The following PLCG2 variants were observed in gnomAD, a reference collection of about 807,000 sequenced individuals.
PLCG2 encodes 1-phosphatidylinositol 4,5-bisphosphate phosphodiesterase gamma-2.
In PLCG2, 69 loss-of-function variants were observed where a neutral mutation model predicts 175.6. The observed-to-expected ratio is 0.39, with a 90% CI of 0.32 to 0.48. PLCG2 has a LOEUF of 0.48. Among genes scored for constraint, PLCG2 ranks in the 20% least tolerant of loss-of-function variants. PLCG2 has a pLI of 0.91. For missense variants in PLCG2, 1,798 were observed against 1,650.9 expected (o/e 1.09, Z -1.54); for synonymous variants, 827 against 624.0 (o/e 1.33, Z -4.85).
At chr16:81,900,541 G>A (rs1909104222) in intron 13 of PLCG2, 71 bp from the exon 14 acceptor site, 2 of 1,402,956 alleles carry the variant, frequency 1.4e-6, no homozygotes, top group East Asian at 4.8e-5. Context: ...GAGCTGCCCT[G>A]GCCCCTCTGT....
chr16:81,781,346 G>A (rs1417921945), intron 1 of PLCG2, among the ~76,000 whole-genome samples: 5 of 151,406 alleles, frequency 3.3e-5, no homozygotes, highest in Admixed American at 6.6e-5. Flanking sequence ...GCTACTGAGC[G>A]TTCTTCAGTG....
chr16:81,744,528 A>G (rs938659904), intron 1 of PLCG2, among the ~76,000 whole-genome samples: 7 of 152,292 alleles, frequency 4.6e-5, no homozygotes, highest in Admixed American at 2.0e-4. Flanking sequence ...AACCAAAAAA[A>G]TTCCAAATCT....
At chr16:81,768,569 T>A in intron 2 of PLCG2, among the ~76,000 whole-genome samples, 1 of 84,858 alleles carries the variant, frequency 1.2e-5, no homozygotes, top group Non-Finnish European at 2.6e-5. Flanking sequence ...TTTTTTTTTT[T>A]TTTTTTTTTT....
intron 2 of PLCG2, among the ~76,000 whole-genome samples, chr16:81,759,259 A>ATTGTT (rs1172166719): frequency 6.6e-6 from 1 of 151,980 alleles, no homozygotes; most frequent in East Asian, 1.9e-4. Context: ...GTTCCTTCTC[A>ATTGTT]TTGTTTTGTT....
intron 2 of PLCG2, among the ~76,000 whole-genome samples, chr16:81,810,014 A>G (rs1403151701): frequency 6.7e-6 from 1 of 148,784 alleles, no homozygotes; most frequent in Non-Finnish European, 1.5e-5. Context: ...TTTTTTTGAG[A>G]TGGAGCCTAC....
chr16:81,753,875 G>T (rs1442891422), intron 1 of PLCG2, among the ~76,000 whole-genome samples: 1 of 152,170 alleles, frequency 6.6e-6, no homozygotes, highest in African/African-American at 2.4e-5. Context: ...CTGGGGAGTG[G>T]GAAGTGGCTG....
At chr16:81,853,758 G>A (rs901039836) in intron 2 of PLCG2, among the ~76,000 whole-genome samples, 1 of 152,104 alleles carries the variant, frequency 6.6e-6, no homozygotes, top group Admixed American at 6.5e-5. Context: ...TTGAAGGGCA[G>A]CTGGCTATAT....
Position 81,919,632 on chromosome 16 carries a change from G to C in PLCG2, c.2203G>C (p.Val735Leu). 1.2e-6 allele frequency: 2 copies of C among 1,613,998 alleles called. No homozygotes were observed. Residue 735 changes from valine to leucine, a missense_variant, in exon 20 of 33, where the codon GTG becomes CTG. By Grantham distance (32) the Val-to-Leu change is conservative (BLOSUM62 1). Transcript: ENST00000564138. ...CCGAAAGATGAGACTGCGCTACCCC[G>C]TGACCCCCGAGCTCCTGGAGCGCTA... is the stretch of plus-strand genomic sequence containing the variant. ...LYRKMRLRYP[V>L]TPELLERYNM...
At chr16:81,819,321 C>T (rs1420149528) in intron 2 of PLCG2, among the ~76,000 whole-genome samples, 33 of 152,146 alleles carry the variant, frequency 2.2e-4, no homozygotes, top group Admixed American at 2.2e-3. Context: ...GACAACACTG[C>T]CTCATATCCA....
At chr16:81,909,372 C>A (rs923866834) in intron 17 of PLCG2, among the ~76,000 whole-genome samples, 1 of 152,102 alleles carries the variant, frequency 6.6e-6, no homozygotes, top group South Asian at 2.1e-4. Flanking sequence ...GTTAGGAAAA[C>A]CTTCCTGAAA....
At chr16:81,833,184 G>A (rs1050667523) in intron 2 of PLCG2, among the ~76,000 whole-genome samples, 2 of 152,180 alleles carry the variant, frequency 1.3e-5, no homozygotes, top group Non-Finnish European at 2.9e-5. Flanking sequence ...AGGATACCAC[G>A]TTTGGGGTTC....
chr16:81,897,671 G>A (rs1273560226), intron 13 of PLCG2, among the ~76,000 whole-genome samples: 1 of 150,874 alleles, frequency 6.6e-6, no homozygotes, highest in Non-Finnish European at 1.5e-5. Context: ...TCAGCCTCCC[G>A]AGTAGCTGGG....
intron 14 of PLCG2, among the ~76,000 whole-genome samples, chr16:81,904,413 C>A (rs1438257286): frequency 1.3e-5 from 2 of 152,212 alleles, no homozygotes; most frequent in Admixed American, 6.5e-5. Flanking sequence ...CAGACGCTTG[C>A]CTGCGTGGGA....
intron 2 of PLCG2, among the ~76,000 whole-genome samples, chr16:81,846,990 A>G (rs1404615759): frequency 2.6e-5 from 4 of 152,186 alleles, no homozygotes; most frequent in Non-Finnish European, 5.9e-5. Context: ...ACTTGGAGCT[A>G]GAATCAGATT....
In PLCG2 at chr16:81,889,362, T is replaced by G. The variant is rs1437280510; in HGVS notation, c.867+89T>G. 4 of 743,332 alleles carry G rather than the reference T, an allele frequency of 5.4e-6. No individual in the cohort carries two copies. The African/African-American group carries it at 7.0e-5, about 13-fold the overall frequency. The allele number at this position is 743,332 out of a possible 1,614,324, so 46.0% of individuals were successfully genotyped here. On this transcript the variant is annotated intron_variant, in intron 10 of 32. Coordinates refer to ENST00000564138, the MANE Select transcript of PLCG2 (RefSeq NM_002661.5). ...GGTTTATTTTCTGTTTGTCTTTCCT[T>G]GGAGAACTTTGCTGTATGATGTTGC...
chr16:81,880,726 T>A (rs1908036950), intron 7 of PLCG2, among the ~76,000 whole-genome samples, 184 bp from the exon 8 acceptor site: 1 of 152,372 alleles, frequency 6.6e-6, no homozygotes, highest in South Asian at 2.1e-4. Flanking sequence ...GGAGGGCTTC[T>A]ACCTTTTGCT....
chr16:81,858,304 A>G lies in PLCG2; in HGVS notation c.379A>G (p.Lys127Glu), dbSNP rs1364351670. The change falls in exon 4 of 33, where the codon AAA becomes GAA. Residue 127 changes from lysine (K) to glutamate (E), a missense_variant. By Grantham distance (56) the Lys-to-Glu change is moderately conservative. Coordinates refer to ENST00000564138, the MANE Select transcript of PLCG2 (RefSeq NM_002661.5). The part of the protein sequence containing the change: ...EDAVNWLSGL[K>E]ILHQEAMNAS... ...TGCAGTTAACTGGCTCTCTGGCTTG[A>G]AAATCTTACACCAGGAAGCGATGAA... 6.2e-7 allele frequency: 1 copy of G among 1,613,954 alleles called. No homozygotes were observed. The highest frequency in any genetic ancestry group is 8.5e-7 in the Non-Finnish European group (1 of 1,179,928).
intron 2 of PLCG2, among the ~76,000 whole-genome samples, chr16:81,771,348 C>T (rs1270378243): frequency 6.6e-6 from 1 of 152,144 alleles, no homozygotes; most frequent in East Asian, 1.9e-4. Context: ...CCATCTCAGC[C>T]TCCCAAGTAG....
chr16:81,939,400 C>G (rs777687560), intron 29 of PLCG2, among the ~76,000 whole-genome samples: 3 of 152,178 alleles, frequency 2.0e-5, no homozygotes, highest in Non-Finnish European at 4.4e-5. Context: ...GCACAGGATC[C>G]TTGCCCCTGG....
Sources: allele counts gnomAD v4.1 joint callset (sites outside exome capture counted in the v4.1 genomes callset), GRCh38; gene constraint gnomAD v4.1.1; transcripts MANE v1.5; gene names NCBI Gene and HGNC (gene_info 2026-07-23, HGNC 2026-07-21).